Variants in CD8B2 observed in about 807,000 individuals in gnomAD.
The protein encoded by CD8B2 is CD8B family member 2, also known as T-cell surface glycoprotein CD8 beta-2 chain.
Under a neutral mutation model 23.7 loss-of-function variants are expected in CD8B2, and 11 were observed. The ratio of observed to expected loss-of-function variants is 0.46; its 90% CI spans 0.29 to 0.77. The LOEUF is 0.77. Ranked by LOEUF, CD8B2 falls within the 30% of genes least tolerant of loss-of-function variation. CD8B2 has a pLI of 0.09. For missense variants in CD8B2, 197 were observed against 270.5 expected (o/e 0.73, Z 1.91); for synonymous variants, 90 against 109.3 (o/e 0.82, Z 1.10).
At chr2:106,540,366 C>T (rs1680153105) in intron 5 of CD8B2, among the ~76,000 whole-genome samples, 1 of 152,044 alleles carries the variant, frequency 6.6e-6, no homozygotes, top group Non-Finnish European at 1.5e-5. Flanking sequence ...CCCTAGGAGA[C>T]CAGCCCACCA....
chr2:106,537,400 A>G (rs1573353424), intron 5 of CD8B2, among the ~76,000 whole-genome samples: 2 of 152,108 alleles, frequency 1.3e-5, no homozygotes, highest in African/African-American at 4.8e-5. Context: ...ACAAGCTTGA[A>G]CTTCCACTGA....
At chr2:106,519,400 T>C (rs1216446868) in intron 5 of CD8B2, among the ~76,000 whole-genome samples, 1 of 152,218 alleles carries the variant, frequency 6.6e-6, no homozygotes, top group Non-Finnish European at 1.5e-5. Flanking sequence ...GTCTCAAACA[T>C]TGGCCAGTTA....
intron 5 of CD8B2, among the ~76,000 whole-genome samples, chr2:106,524,548 T>C (rs1309212605): frequency 6.6e-6 from 1 of 152,170 alleles, no homozygotes; most frequent in Non-Finnish European, 1.5e-5. Context: ...GGGTGGGACC[T>C]GAGACTCTGC....
At chr2:106,533,295 T>C (rs1419397106) in intron 5 of CD8B2, among the ~76,000 whole-genome samples, 2 of 152,078 alleles carry the variant, frequency 1.3e-5, no homozygotes, top group Non-Finnish European at 2.9e-5. Flanking sequence ...ATTCCAAACA[T>C]CTTTAAAGGA....
intron 5 of CD8B2, among the ~76,000 whole-genome samples, chr2:106,539,928 T>C (rs900020975): frequency 6.6e-6 from 1 of 152,268 alleles, no homozygotes; most frequent in Non-Finnish European, 1.5e-5. Context: ...TCCTGATCGT[T>C]AAATCTATTT....
intron 5 of CD8B2, among the ~76,000 whole-genome samples, chr2:106,538,582 T>G (rs1216061628): frequency 1.3e-5 from 2 of 152,142 alleles, no homozygotes; most frequent in African/African-American, 4.8e-5. Flanking sequence ...TTGCGCTATC[T>G]AGAGCCGAGC....
At chr2:106,513,085 C>T (rs1386235675), downstream of CD8B2, among the ~76,000 whole-genome samples, 1 of 151,984 alleles carries the variant, frequency 6.6e-6, no homozygotes, top group Admixed American at 6.6e-5. Flanking sequence ...CTCCACTGCC[C>T]CTCCCAGCAC....
At chr2:106,512,976 C>T (rs1320455695), downstream of CD8B2, among the ~76,000 whole-genome samples, 1 of 152,116 alleles carries the variant, frequency 6.6e-6, no homozygotes, top group Admixed American at 6.5e-5. Flanking sequence ...CAAATCACTC[C>T]TAAGCCTGAG....
rs1680145158 is a variant in CD8B2 at position 106,539,843 on chromosome 2, T to A, written c.621-4149T>A. On this transcript the variant is annotated intron_variant, in intron 5 of 5. Coordinates refer to the CD8B2 transcript ENST00000416057. ...TGCCAAGTGGGAAAAAAAAGTGTAT[T>A]CTCCTACTGCTGAGCATCTTGGCTA... Among the ~76,000 whole-genome samples, 3 of 152,224 alleles carry A rather than the reference T, an allele frequency of 2.0e-5. No individual in the cohort carries two copies. In the South Asian group the frequency reaches 6.2e-4, roughly 31 times the overall value.
intron 5 of CD8B2, among the ~76,000 whole-genome samples, chr2:106,537,179 C>A (rs909046778): frequency 6.6e-5 from 10 of 152,102 alleles, no homozygotes; most frequent in African/African-American, 2.4e-4. Flanking sequence ...TGGGCTTCCC[C>A]CCAAATGCTG....
intron 5 of CD8B2, among the ~76,000 whole-genome samples, chr2:106,541,929 C>T (rs1228707949): frequency 6.6e-6 from 1 of 152,216 alleles, no homozygotes; most frequent in Non-Finnish European, 1.5e-5. Context: ...CTCTGCCAGC[C>T]ATCCCATTGC....
chr2:106,519,867 C>T (rs1679795621), intron 5 of CD8B2, among the ~76,000 whole-genome samples: 1 of 152,198 alleles, frequency 6.6e-6, no homozygotes, highest in African/African-American at 2.4e-5. Context: ...CCCTCCCAGG[C>T]CACATGGAGC....
chr2:106,504,757 C>T (rs964501645), intron 5 of CD8B2, among the ~76,000 whole-genome samples: 1 of 152,122 alleles, frequency 6.6e-6, no homozygotes, highest in African/African-American at 2.4e-5. Flanking sequence ...GCAGAGTATC[C>T]CAAACTCATC....
At chr2:106,516,905 T>C (rs1374723484) in intron 5 of CD8B2, among the ~76,000 whole-genome samples, 1 of 148,528 alleles carries the variant, frequency 6.7e-6, no homozygotes, top group Non-Finnish European at 1.5e-5. Context: ...ATATTTTTAT[T>C]ATAATATATG....
At position 106,509,882 on chromosome 2, in the gene CD8B2, C is replaced by T. The variant is rs1385860757; in HGVS notation, c.*2942C>T. 5 of 152,290 alleles carry T rather than the reference C, an allele frequency of 3.3e-5. No homozygotes were observed. Among genetic ancestry groups the T allele is most frequent in the Admixed American group, 6.5e-5 (1 of 15,286 alleles). 9.4% of individuals were successfully genotyped at this position (152,290 alleles called of 1,614,324 possible). ...AAAAAGTGGCATGCACAAAGAAATA[C>T]GCATCAGATTGTTCCTTCTAGTGCT... On this transcript the variant is annotated 3_prime_UTR_variant, in exon 6 of 6. Transcript: ENST00000643224.
intron 5 of CD8B2, among the ~76,000 whole-genome samples, chr2:106,538,761 G>A (rs1224962086): frequency 1.3e-5 from 2 of 152,118 alleles, no homozygotes; most frequent in African/African-American, 2.4e-5. Context: ...TCTGTGCTGA[G>A]CTTGGACCCC....
intron 5 of CD8B2, among the ~76,000 whole-genome samples, chr2:106,535,768 C>A (rs1265299795): frequency 6.6e-6 from 1 of 152,134 alleles, no homozygotes; most frequent in African/African-American, 2.4e-5. Flanking sequence ...AGATTTTATT[C>A]ACCAGATTCC....
rs544512876 is a variant in CD8B2 at position 106,533,948 on chromosome 2, T to C, written c.621-10044T>C. Among the ~76,000 whole-genome samples the C allele has an allele frequency of 3.3e-5, 5 of 152,322 alleles. No homozygotes were observed. The South Asian group carries it at 1.0e-3, about 32-fold the overall frequency. The stretch of plus-strand genomic sequence containing the variant: ...GCTTCTTGGGATCCATCATTAAGAA[T>C]GTGTACAAGGAATTACAGCTAATCT... On this transcript the variant is annotated intron_variant, in intron 5 of 5. Coordinates refer to the CD8B2 transcript ENST00000416057.
Position 106,509,096 on chromosome 2 carries a change from G to A in CD8B2, c.*2156G>A, listed in dbSNP as rs1679572441. 1 of 152,110 alleles carries A rather than the reference G, an allele frequency of 6.6e-6. No homozygotes were observed. Among genetic ancestry groups the A allele is most frequent in the African/African-American group, 2.4e-5 (1 of 41,404 alleles). The allele number at this position is 152,110 out of a possible 1,614,324, so 9.4% of individuals were successfully genotyped here. A position where few individuals can be genotyped will look rare whatever the true frequency, so the allele number is the denominator to read the frequency against. On this transcript the variant is annotated 3_prime_UTR_variant, in exon 6 of 6. Transcript: ENST00000643224. ...ACCCAGGTGTTTTCCATTTGATCCAGCTTTGAGAAGTCAGCACAAATTGGC... is the reference window on the plus strand; with the variant it reads ...ACCCAGGTGTTTTCCATTTGATCCAACTTTGAGAAGTCAGCACAAATTGGC...
Sources: gnomAD v4.1 joint callset for allele counts (sites outside exome capture counted in the v4.1 genomes callset) on GRCh38, gnomAD v4.1.1 for gene constraint, MANE v1.5 for transcripts, NCBI Gene and HGNC (gene_info 2026-07-23, HGNC 2026-07-21) for gene names.